ERC2: variants seen among roughly 807,000 people sequenced by gnomAD.
ERC2 encodes ERC protein 2.
In ERC2, 42 loss-of-function variants were observed where a neutral mutation model predicts 114.8. The observed-to-expected ratio is 0.37, with a 90% CI of 0.29 to 0.47. The LOEUF (loss-of-function observed/expected upper bound fraction) is 0.47, where lower values mean the gene tolerates loss of function less well. Among genes scored for constraint, ERC2 ranks in the 20% least tolerant of loss-of-function variants. ERC2 has a pLI of 0.99. For missense variants in ERC2, 939 were observed against 1,150.7 expected, an observed-to-expected ratio of 0.82 and a Z score of 2.66; for synonymous variants, 454 against 425.5, an observed-to-expected ratio of 1.07 and a Z score of -0.82.
At chr3:55,805,499 A>T (rs1456037628) in intron 14 of ERC2, among the ~76,000 whole-genome samples, 2 of 151,494 alleles carry the variant, frequency 1.3e-5, no homozygotes. Context: ...CCAGCTCTGA[A>T]CCTGGGGTTG....
intron 13 of ERC2, among the ~76,000 whole-genome samples, chr3:55,918,769 G>A (rs923760113): frequency 2.7e-5 from 4 of 150,780 alleles, no homozygotes; most frequent in African/African-American, 9.8e-5. Context: ...ATATGTAAGT[G>A]GGGCCACATC....
chr3:55,824,185 G>A (rs1204478630), intron 14 of ERC2, among the ~76,000 whole-genome samples: 1 of 152,184 alleles, frequency 6.6e-6, no homozygotes, highest in African/African-American at 2.4e-5. Flanking sequence ...CATAGTCTGA[G>A]AGACCAGGAT....
At chr3:55,592,135 G>T (rs1170177399) in intron 17 of ERC2, among the ~76,000 whole-genome samples, 2 of 152,200 alleles carry the variant, frequency 1.3e-5, no homozygotes, top group African/African-American at 2.4e-5. Flanking sequence ...TTGAGCCTCT[G>T]GTTGCTCATG....
intron 2 of ERC2, among the ~76,000 whole-genome samples, chr3:56,336,511 T>C (rs2057856300): frequency 6.6e-6 from 1 of 152,076 alleles, no homozygotes; most frequent in Non-Finnish European, 1.5e-5. Flanking sequence ...TCTCCTGTTG[T>C]GGCCAGGTGC....
chr3:56,086,210 A>T (rs2077492690), intron 6 of ERC2, among the ~76,000 whole-genome samples: 2 of 152,150 alleles, frequency 1.3e-5, no homozygotes, highest in South Asian at 4.1e-4. Context: ...GCCCTGTCGC[A>T]TCTTCCCAAG....
intron 2 of ERC2, among the ~76,000 whole-genome samples, chr3:56,358,680 C>T (rs542722691): frequency 2.8e-4 from 42 of 152,380 alleles, no homozygotes; most frequent in African/African-American, 9.9e-4. Flanking sequence ...CAGTTCAAAT[C>T]TCAACTCTGC....
At chr3:56,417,253 G>A (rs962885900) in intron 2 of ERC2, among the ~76,000 whole-genome samples, 3 of 152,128 alleles carry the variant, frequency 2.0e-5, no homozygotes, top group African/African-American at 7.2e-5. Flanking sequence ...AGTGTTTACT[G>A]GGAAATCACC....
intron 17 of ERC2, among the ~76,000 whole-genome samples, chr3:55,524,500 G>GT (rs34258011): frequency 0.64 from 77,238 of 120,792 alleles, 25,296 homozygotes; most frequent in Non-Finnish European, 0.67. Context: ...AGCTCCAGTG[G>GT]TTTTTTTTTT....
At chr3:56,268,739 T>G (rs2053479728) in intron 3 of ERC2, among the ~76,000 whole-genome samples, 2 of 152,204 alleles carry the variant, frequency 1.3e-5, no homozygotes. Context: ...AATTAAACAT[T>G]GAAAGACCAA....
At chr3:56,188,237 T>G (rs74920130) in intron 3 of ERC2, among the ~76,000 whole-genome samples, 4,402 of 152,252 alleles carry the variant, frequency 0.029, 70 homozygotes, top group Middle Eastern at 0.058. Context: ...TGGCTCTCCA[T>G]CCAGTTGCCC....
At position 56,080,389 on chromosome 3, in the gene ERC2, G is replaced by A. The variant is rs1374917288; in HGVS notation, c.1641+428C>T. Among the ~76,000 whole-genome samples the A allele has an allele frequency of 1.2e-4, 18 of 152,140 alleles. No homozygotes were observed. The East Asian group carries it at 3.3e-3, about 28-fold the overall frequency. Reference sequence around the variant, plus strand: ...GTAATGGGTATAAAACATTACCCCTGCCTCCCAAAAATCTATATGGGCTTC... The same window carrying A: ...GTAATGGGTATAAAACATTACCCCTACCTCCCAAAAATCTATATGGGCTTC... On this transcript the variant is annotated intron_variant, in intron 7 of 17. Coordinates refer to ENST00000288221, the MANE Select transcript of ERC2 (RefSeq NM_015576.3).
At chr3:56,169,611 T>C (rs2082522424) in intron 4 of ERC2, among the ~76,000 whole-genome samples, 1 of 152,204 alleles carries the variant, frequency 6.6e-6, no homozygotes, top group Non-Finnish European at 1.5e-5. Context: ...GATCTGCTAA[T>C]ATCTTTTGAG....
chr3:55,831,178 G>C (rs1575752578), intron 14 of ERC2, among the ~76,000 whole-genome samples: 1 of 149,298 alleles, frequency 6.7e-6, no homozygotes, highest in African/African-American at 2.5e-5. Flanking sequence ...CAGGCAGGGT[G>C]GCACAATGCT....
At chr3:55,695,632 C>T (rs866970621) in intron 16 of ERC2, among the ~76,000 whole-genome samples, 3 of 152,184 alleles carry the variant, frequency 2.0e-5, no homozygotes. Context: ...GATATTATTG[C>T]CTTTAAGAAG....
At chr3:56,296,892 C>T (rs1321986621) in intron 2 of ERC2, among the ~76,000 whole-genome samples, 5 of 152,090 alleles carry the variant, frequency 3.3e-5, no homozygotes, top group Admixed American at 6.5e-5. Flanking sequence ...AAAATAATAG[C>T]ATCCACTACA....
chr3:55,529,236 T>G (rs2053521822), intron 17 of ERC2, among the ~76,000 whole-genome samples: 1 of 152,152 alleles, frequency 6.6e-6, no homozygotes, highest in Non-Finnish European at 1.5e-5. Context: ...TTATTGAAAG[T>G]TGAAGGAAAC....
At chr3:55,744,346 G>C (rs1057021450) in intron 14 of ERC2, among the ~76,000 whole-genome samples, 1 of 152,214 alleles carries the variant, frequency 6.6e-6, no homozygotes, top group Non-Finnish European at 1.5e-5. Flanking sequence ...GGAGGTTGCA[G>C]TGAGAGGAGG....
At chr3:55,643,244 T>A (rs1192467994) in intron 17 of ERC2, among the ~76,000 whole-genome samples, 1 of 152,256 alleles carries the variant, frequency 6.6e-6, no homozygotes, top group Non-Finnish European at 1.5e-5. Flanking sequence ...TTTTTAAAAA[T>A]CTAGGCTCAC....
At chr3:55,972,750 T>C (rs149698176) in intron 12 of ERC2, among the ~76,000 whole-genome samples, 1 of 152,320 alleles carries the variant, frequency 6.6e-6, no homozygotes, top group Non-Finnish European at 1.5e-5. Context: ...TGTGCATGTG[T>C]CTTTATAGCA....
Sources: allele counts gnomAD v4.1 joint callset (sites outside exome capture counted in the v4.1 genomes callset), GRCh38; gene constraint gnomAD v4.1.1; transcripts MANE v1.5; gene names NCBI Gene and HGNC (gene_info 2026-07-23, HGNC 2026-07-21).